The following PREX1 variants were observed in gnomAD, a reference collection of about 807,000 sequenced individuals.
The protein encoded by PREX1 is phosphatidylinositol 3,4,5-trisphosphate-dependent Rac exchanger 1 protein.
In PREX1, 41 loss-of-function variants were observed where a neutral mutation model predicts 198.3. The ratio of observed to expected loss-of-function variants is 0.21; its 90% CI spans 0.16 to 0.27. The LOEUF (loss-of-function observed/expected upper bound fraction) is 0.27, where lower values mean the gene tolerates loss of function less well. PREX1 is among the 10% of genes least tolerant of loss of function. PREX1 has a pLI of 1.00. For synonymous variants in PREX1, 843 were observed against 887.2 expected, an observed-to-expected ratio of 0.95 and a Z score of 0.89; for missense variants, 1,620 against 2,200.7, an observed-to-expected ratio of 0.74 and a Z score of 5.28.
At chr20:48,709,373 C>A (rs2089919957) in intron 5 of PREX1, among the ~76,000 whole-genome samples, 1 of 152,232 alleles carries the variant, frequency 6.6e-6, no homozygotes, top group South Asian at 2.1e-4. Context: ...GACACTCTTG[C>A]ATCGTAGTTA....
At chr20:48,749,677 C>A (rs1332161615) in intron 1 of PREX1, among the ~76,000 whole-genome samples, 1 of 152,146 alleles carries the variant, frequency 6.6e-6, no homozygotes, top group Non-Finnish European at 1.5e-5. Context: ...GTCCACATGG[C>A]GAGTCACAGA....
chr20:48,736,513 C>G (rs1409018020), intron 3 of PREX1, among the ~76,000 whole-genome samples: 1 of 152,168 alleles, frequency 6.6e-6, no homozygotes, highest in Non-Finnish European at 1.5e-5. Flanking sequence ...AAGAGGGGAC[C>G]CCAGCACCCC....
rs1396972048 is a variant in PREX1 at position 48,827,088 on chromosome 20, A to C, written c.219+554T>G. Among the ~76,000 whole-genome samples the C allele has an allele frequency of 6.6e-6, 1 of 151,684 alleles. No individual in the cohort carries two copies. Among genetic ancestry groups the C allele is most frequent in the Non-Finnish European group, 1.5e-5 (1 of 67,938 alleles). On this transcript the variant is annotated intron_variant, in intron 1 of 39. Coordinates refer to ENST00000371941, the MANE Select transcript of PREX1 (RefSeq NM_020820.4). The surrounding 1 kb of genome is among the most constrained non-coding windows in gnomAD (Gnocchi z 4.1). Reference sequence around the variant, plus strand: ...TGGACTGCCGAGTTTTGAGTTCGAAACCCACTCTCCCCGAACTCCAGCAAA... The same window carrying C: ...TGGACTGCCGAGTTTTGAGTTCGAACCCCACTCTCCCCGAACTCCAGCAAA...
At chr20:48,767,458 T>C (rs2122866375) in intron 1 of PREX1, among the ~76,000 whole-genome samples, 1 of 152,134 alleles carries the variant, frequency 6.6e-6, no homozygotes, top group South Asian at 2.1e-4. Flanking sequence ...GACAAGCTGG[T>C]TCAAGTCCCC....
chr20:48,669,845 A>C (rs1338248099), intron 14 of PREX1, among the ~76,000 whole-genome samples: 2 of 152,214 alleles, frequency 1.3e-5, no homozygotes, highest in Non-Finnish European at 2.9e-5. Flanking sequence ...AAGATGGAGA[A>C]GGCAAAGTGG....
intron 2 of PREX1, among the ~76,000 whole-genome samples, chr20:48,746,024 C>CT (rs1568848249): frequency 6.6e-6 from 1 of 152,010 alleles, no homozygotes; most frequent in Non-Finnish European, 1.5e-5. Context: ...TTATTATTTT[C>CT]TTTTTTAGAG....
chr20:48,650,861 G>GTGGCAGAGACCCCGGAGGGAGCA (rs1568802810), intron 23 of PREX1, 33 bp downstream of exon 23: 1 of 1,610,810 alleles, frequency 6.2e-7, no homozygotes, highest in South Asian at 1.1e-5. Flanking sequence ...TCTGGGACCT[G>GTGGCAGAGACCCCGGAGGGAGCA]TGGCAGAGAC....
At chr20:48,738,804 C>T (rs2090068498) in intron 3 of PREX1, among the ~76,000 whole-genome samples, 1 of 152,062 alleles carries the variant, frequency 6.6e-6, no homozygotes, top group South Asian at 2.1e-4. Flanking sequence ...ACAGTGGCTC[C>T]ACAGAGACCA....
chr20:48,863,902 T>C, the PREX1 span, among the ~76,000 whole-genome samples: 1 of 152,184 alleles, frequency 6.6e-6, no homozygotes, highest in Non-Finnish European at 1.5e-5. Context: ...TTATTTCACT[T>C]AGCAATACAC....
the PREX1 span, among the ~76,000 whole-genome samples, chr20:48,847,513 G>T: frequency 6.6e-6 from 1 of 152,064 alleles, no homozygotes; most frequent in Non-Finnish European, 1.5e-5. Flanking sequence ...TGTGCATCAC[G>T]GAAACCTTGG....
Position 48,661,444 on chromosome 20 carries a change from AATATATAT to A in PREX1, c.1739-1391_1739-1384del, listed in dbSNP as rs1159107194. 1.5e-3 allele frequency among the ~76,000 whole-genome samples: 73 copies of A among 49,596 alleles called. 1 individual carries two copies. Among genetic ancestry groups the A allele is most frequent in the African/African-American group, 5.4e-3 (29 of 5,382 alleles). The allele number at this position is 49,596 out of a possible 152,430, so 32.5% of individuals were successfully genotyped here. ...CAAAAAAAAAAAAAAAAAAAAAAAAAATATATATATATATATATATATATACACACACA... is the reference window on the plus strand; with the variant it reads ...CAAAAAAAAAAAAAAAAAAAAAAAAAATATATATATATATATACACACACA... On this transcript the variant is annotated intron_variant, in intron 15 of 39. Transcript: ENST00000371941.
At chr20:48,815,773 C>T (rs989963242) in intron 1 of PREX1, among the ~76,000 whole-genome samples, 2 of 152,028 alleles carry the variant, frequency 1.3e-5, no homozygotes, top group South Asian at 4.1e-4. Context: ...GGGAGTCAGC[C>T]GAGTGGGCAA....
chr20:48,649,277 G>A (rs374186997), intron 25 of PREX1, 23 bp downstream of exon 25: 50 of 1,602,984 alleles, frequency 3.1e-5, no homozygotes, highest in Admixed American at 1.7e-4. Context: ...TGCTCACGCC[G>A]GACACCCCCG....
intron 5 of PREX1, among the ~76,000 whole-genome samples, chr20:48,714,349 A>G (rs2089952017): frequency 6.6e-6 from 1 of 152,248 alleles, no homozygotes; most frequent in African/African-American, 2.4e-5. Context: ...AATGAGGAAA[A>G]TAGTATCAAT....
At chr20:48,828,688 TC>T (rs1289475823), upstream of PREX1, among the ~76,000 whole-genome samples, 1 of 152,182 alleles carries the variant, frequency 6.6e-6, no homozygotes, top group African/African-American at 2.4e-5. Flanking sequence ...TCTCTCTCTT[TC>T]CTTCCTTCCT....
At chr20:48,675,658 G>A (rs1439287546) in intron 14 of PREX1, among the ~76,000 whole-genome samples, 4 of 152,198 alleles carry the variant, frequency 2.6e-5, no homozygotes, top group Non-Finnish European at 5.9e-5. Flanking sequence ...CTTCAGTTTG[G>A]GAAGATTAGA....
At chr20:48,661,528 TGTG>T (rs1485518425) in intron 15 of PREX1, among the ~76,000 whole-genome samples, 1 of 99,212 alleles carries the variant, frequency 1.0e-5, no homozygotes, top group Non-Finnish European at 2.1e-5. Flanking sequence ...ATATATATAA[TGTG>T]TGTGTGTGTG....
Position 48,692,659 on chromosome 20 carries a change from G to A in PREX1, c.1036+13C>T. The A allele has an allele frequency of 1.2e-6, 2 of 1,606,582 alleles. No homozygotes were observed. The highest frequency in any genetic ancestry group is 1.1e-5 in the South Asian group (1 of 90,916). The stretch of plus-strand genomic sequence containing the variant: ...CTCAGGCAGGGCTCAGGCAAGGCTG[G>A]GGGAGGGGCTACCTGTCCCATCTTC... On this transcript the variant is annotated intron_variant, in intron 8 of 39. Coordinates refer to ENST00000371941, the MANE Select transcript of PREX1 (RefSeq NM_020820.4).
intron 7 of PREX1, among the ~76,000 whole-genome samples, chr20:48,697,118 C>T (rs1015675546): frequency 2.6e-5 from 4 of 152,128 alleles, no homozygotes; most frequent in African/African-American, 2.4e-5. Flanking sequence ...CCCCTTTAGA[C>T]ACAATTTAAG....
Sources: allele counts gnomAD v4.1 joint callset (sites outside exome capture counted in the v4.1 genomes callset), GRCh38; gene constraint gnomAD v4.1.1; non-coding constraint Gnocchi (gnomAD v3.1); transcripts MANE v1.5; gene names NCBI Gene and HGNC (gene_info 2026-07-23, HGNC 2026-07-21).